The following DENND2B variants were observed in gnomAD, a reference collection of about 807,000 sequenced individuals.
DENND2B encodes DENN domain containing 2B.
In DENND2B, 32 loss-of-function variants were observed where a neutral mutation model predicts 116.0. The ratio of observed to expected loss-of-function variants is 0.28; its 90% CI spans 0.21 to 0.37. DENND2B has a LOEUF of 0.37. Among genes scored for constraint, DENND2B ranks in the 10% least tolerant of loss-of-function variants. The pLI is 1.00. For synonymous variants in DENND2B, 588 were observed against 583.9 expected (o/e 1.01, Z -0.10); for missense variants, 1,276 against 1,477.7 (o/e 0.86, Z 2.24).
intron 3 of DENND2B, among the ~76,000 whole-genome samples, chr11:8,854,501 C>T (rs1352947445): frequency 1.3e-5 from 2 of 152,124 alleles, no homozygotes; most frequent in East Asian, 3.9e-4. Context: ...AGTGCCTGGC[C>T]TAAAAGAACC....
At chr11:8,776,158 GCGCACA>G (rs1384863817) in intron 1 of DENND2B, 50 of 338,516 alleles carry the variant, frequency 1.5e-4, no homozygotes, top group East Asian at 2.9e-4. Context: ...ACGCGCGCGC[GCGCACA>G]CACACACACA....
intron 1 of DENND2B, among the ~76,000 whole-genome samples, chr11:8,901,005 C>A (rs1394765800): frequency 6.6e-6 from 1 of 151,370 alleles, no homozygotes; most frequent in Non-Finnish European, 1.5e-5. Flanking sequence ...CCCACCTTGG[C>A]CTCCCAAAGT....
chr11:8,770,333 T>C (rs772277272), intron 1 of DENND2B, among the ~76,000 whole-genome samples: 1 of 152,234 alleles, frequency 6.6e-6, no homozygotes, highest in Non-Finnish European at 1.5e-5. Context: ...CTAAGCATCT[T>C]GCCCTCGGTT....
At chr11:8,898,573 A>G (rs1471198419) in intron 1 of DENND2B, among the ~76,000 whole-genome samples, 1 of 152,222 alleles carries the variant, frequency 6.6e-6, no homozygotes, top group East Asian at 1.9e-4. Flanking sequence ...GCCATCATAC[A>G]TTATTTAAAA....
intron 1 of DENND2B, chr11:8,766,733 T>A (rs2055875643): frequency 1.6e-6 from 2 of 1,240,986 alleles, no homozygotes; most frequent in African/African-American, 3.1e-5. Context: ...CAGCTGTTGA[T>A]ACAATAGTCA....
intron 2 of DENND2B, among the ~76,000 whole-genome samples, chr11:8,877,712 T>C (rs1231387093): frequency 1.3e-5 from 2 of 152,200 alleles, no homozygotes; most frequent in African/African-American, 4.8e-5. Context: ...ACTTGTGAAA[T>C]TTAATATCAT....
chr11:8,711,011 C>T, intron 10 of DENND2B, 97 bp from the exon 11 acceptor site: 10 of 1,567,842 alleles, frequency 6.4e-6, no homozygotes, highest in Non-Finnish European at 8.8e-6. Flanking sequence ...GGGTGAAGGG[C>T]CAGGTTGCTG....
chr11:8,695,096 CA>C (rs1413866340), intron 19 of DENND2B, among the ~76,000 whole-genome samples: 1 of 151,928 alleles, frequency 6.6e-6, no homozygotes, highest in Admixed American at 6.6e-5. Context: ...AATAAAATAA[CA>C]AAATTTATAT....
At chr11:8,737,206 A>G (rs967415845) in intron 2 of DENND2B, among the ~76,000 whole-genome samples, 1 of 152,180 alleles carries the variant, frequency 6.6e-6, no homozygotes, top group African/African-American at 2.4e-5. Context: ...AATATTTAAA[A>G]CCATGTGGCC....
chr11:8,832,356 G>A (rs2062242072), intron 4 of DENND2B, among the ~76,000 whole-genome samples: 1 of 151,862 alleles, frequency 6.6e-6, no homozygotes, highest in Non-Finnish European at 1.5e-5. Flanking sequence ...GGAGGTTGAG[G>A]CAGGAGAATT....
intron 19 of DENND2B, chr11:8,694,400 G>A (rs1234024756): frequency 6.1e-6 from 3 of 494,380 alleles, no homozygotes; most frequent in Non-Finnish European, 1.1e-5. Flanking sequence ...CTCTGATCTG[G>A]CGGGCTGAGC....
chr11:8,786,174 C>G (rs2058881979), intron 1 of DENND2B, among the ~76,000 whole-genome samples: 1 of 152,302 alleles, frequency 6.6e-6, no homozygotes, highest in African/African-American at 2.4e-5. Flanking sequence ...TAGCTCAGCT[C>G]CTCACAGAGT....
At chr11:8,854,041 T>G (rs2063110434) in intron 3 of DENND2B, among the ~76,000 whole-genome samples, 1 of 120,212 alleles carries the variant, frequency 8.3e-6, no homozygotes, top group Non-Finnish European at 1.8e-5. Flanking sequence ...TTTTTTTTTT[T>G]TTTTTTGTAG....
Position 8,750,673 on chromosome 11 carries a change from T to C in DENND2B, c.28A>G (p.Ser10Gly), listed in dbSNP as rs1034325927. 6.2e-7 allele frequency: 1 copy of C among 1,614,192 alleles called. No individual in the cohort carries two copies. The highest frequency in any genetic ancestry group is 8.5e-7 in the Non-Finnish European group (1 of 1,180,030). MTMTANKNS[S>G]ITHGAGGTKA... ...GTGCCACCAGCTCCGTGGGTGATGC[T>C]GGAATTCTTGTTGGCAGTCATGGTC... The change falls in exon 2 of 20, where the codon AGC becomes GGC. Residue 10 changes from serine to glycine, a missense_variant. Around this residue, in one of 2 missense-constraint regions of DENND2B, gnomAD observed 856 missense variants for 846.6 expected, o/e 1.01. Coordinates refer to ENST00000313726, the MANE Select transcript of DENND2B (RefSeq NM_213618.2).
chr11:8,784,599 A>C (rs983531796), intron 1 of DENND2B: 1 of 152,196 alleles, frequency 6.6e-6, no homozygotes, highest in Admixed American at 6.5e-5. Context: ...GCACTTACGG[A>C]GGCCGAGGCG....
At chr11:8,753,696 A>G (rs1257896878) in intron 1 of DENND2B, among the ~76,000 whole-genome samples, 3 of 151,448 alleles carry the variant, frequency 2.0e-5, no homozygotes, top group African/African-American at 4.9e-5. Context: ...CAGTACTGAC[A>G]TAAGAACAGA....
intron 4 of DENND2B, among the ~76,000 whole-genome samples, chr11:8,819,255 G>A (rs548361760): frequency 1.1e-4 from 16 of 152,242 alleles, no homozygotes; most frequent in South Asian, 2.1e-4. Flanking sequence ...ACAGCCAGGC[G>A]TGGTGGCACA....
chr11:8,697,373 C>T, intron 17 of DENND2B, 152 bp downstream of exon 17: 1 of 610,384 alleles, frequency 1.6e-6, no homozygotes, highest in Non-Finnish European at 2.9e-6. Context: ...TCCTAAACTA[C>T]CTGGGGTAGA....
At chr11:8,835,921 G>A (rs1181650574) in intron 4 of DENND2B, among the ~76,000 whole-genome samples, 3 of 152,010 alleles carry the variant, frequency 2.0e-5, no homozygotes, top group Admixed American at 1.3e-4. Flanking sequence ...GCTGAGTACC[G>A]ATCTATCTAA....
Sources: allele counts gnomAD v4.1 joint callset (sites outside exome capture counted in the v4.1 genomes callset), GRCh38; gene constraint gnomAD v4.1.1; regional missense constraint gnomAD v4.1.1; transcripts MANE v1.5; gene names NCBI Gene and HGNC (gene_info 2026-07-23, HGNC 2026-07-21).